FBXO34: variants seen among roughly 807,000 people sequenced by gnomAD.
The protein encoded by FBXO34 is F-box protein 34.
FBXO34 carries 12 observed loss-of-function variants against 24.5 expected under a neutral mutation model. The observed-to-expected ratio is 0.49, with a 90% confidence interval of 0.31 to 0.79. The LOEUF (loss-of-function observed/expected upper bound fraction) is 0.79. FBXO34 is among the 30% of genes least tolerant of loss of function. FBXO34 has a pLI of 0.04. For missense variants in FBXO34, 823 were observed against 857.7 expected, an observed-to-expected ratio of 0.96 and a Z score of 0.51; for synonymous variants, 320 against 311.9, an observed-to-expected ratio of 1.03 and a Z score of -0.27.
At chr14:55,306,865 A>G (rs1332866504) in intron 1 of FBXO34, among the ~76,000 whole-genome samples, 4 of 152,254 alleles carry the variant, frequency 2.6e-5, no homozygotes, top group Non-Finnish European at 5.9e-5. Flanking sequence ...AAAACAGGCC[A>G]TATTTAGGTC....
At chr14:55,367,038 T>C (rs1296347847) in intron 2 of FBXO34, 2 of 152,656 alleles carry the variant, frequency 1.3e-5, no homozygotes, top group African/African-American at 4.8e-5. Flanking sequence ...CTCTAGTTGA[T>C]ATTAACAACA....
chr14:55,367,744 CAAA>C (rs139279146), exon 3 of FBXO34: 5 of 142,128 alleles, frequency 3.5e-5, no homozygotes, highest in East Asian at 2.1e-4. Flanking sequence ...ACTCCGTCTC[CAAA>C]AAAAAAAAAG....
At chr14:55,440,630 T>A in the FBXO34 span, 1 of 1,407,902 alleles carries the variant, frequency 7.1e-7, no homozygotes, top group Non-Finnish European at 9.4e-7. Flanking sequence ...GCGATGGGCT[T>A]GGAGCGGGAT....
At chr14:55,295,339 A>G (rs1256421922) in intron 1 of FBXO34, among the ~76,000 whole-genome samples, 1 of 147,348 alleles carries the variant, frequency 6.8e-6, no homozygotes, top group Non-Finnish European at 1.5e-5. Flanking sequence ...CATTTTATGT[A>G]TATTATCTAT....
At chr14:55,356,337 C>T (rs112895497), downstream of FBXO34, among the ~76,000 whole-genome samples, 945 of 152,304 alleles carry the variant, frequency 6.2e-3, 38 homozygotes, top group Admixed American at 0.057. Flanking sequence ...TGTACACCAC[C>T]GACTAAACCA....
intron 1 of FBXO34, among the ~76,000 whole-genome samples, chr14:55,305,422 A>AAG (rs1882506880): frequency 6.6e-6 from 1 of 151,916 alleles, no homozygotes; most frequent in East Asian, 1.9e-4. Context: ...TCAAAAAAAA[A>AAG]AAAAAAAAGT....
chr14:55,411,482 T>A, the FBXO34 span: 2 of 991,380 alleles, frequency 2.0e-6, no homozygotes, highest in South Asian at 3.2e-5. Flanking sequence ...ACACTCCCTC[T>A]CTCTCGCTCC....
the FBXO34 span, among the ~76,000 whole-genome samples, chr14:55,376,244 GTGGT>G: frequency 2.0e-5 from 3 of 152,326 alleles, no homozygotes; most frequent in East Asian, 5.8e-4. Flanking sequence ...GGCAAGTAAA[GTGGT>G]TGGCCTTGTG....
intron 1 of FBXO34, among the ~76,000 whole-genome samples, chr14:55,290,972 A>G (rs757307453): frequency 4.6e-5 from 7 of 151,238 alleles, no homozygotes; most frequent in Non-Finnish European, 8.8e-5. Context: ...GGCACCTGCC[A>G]CCATGCCCAC....
chr14:55,406,012 T>A, the FBXO34 span, among the ~76,000 whole-genome samples: 3 of 152,160 alleles, frequency 2.0e-5, no homozygotes, highest in Admixed American at 6.5e-5. Context: ...TAGGGAAGTC[T>A]TCCCATCGAA....
intron 3 of FBXO34, among the ~76,000 whole-genome samples, chr14:55,361,295 A>G (rs1250630671): frequency 4.6e-5 from 7 of 152,350 alleles, no homozygotes; most frequent in South Asian, 2.1e-4. Context: ...TACAATGTCA[A>G]TGGGCAGTAA....
At chr14:55,335,843 A>T (rs182624103) in intron 1 of FBXO34, among the ~76,000 whole-genome samples, 49 of 152,318 alleles carry the variant, frequency 3.2e-4, no homozygotes, top group African/African-American at 1.0e-3. Context: ...AGCTCTTTAG[A>T]GCAATGTATA....
chr14:55,308,739 C>G lies in FBXO34; in HGVS notation c.-11+37202C>G, dbSNP rs1385079502. On this transcript the variant is annotated intron_variant, in intron 1 of 1. Coordinates refer to ENST00000313833, the MANE Select transcript of FBXO34 (RefSeq NM_017943.4). Reference sequence around the variant, plus strand: ...TCAAATTCCTCCTTAATTCCCTCATCTTTAAAATGAGGAGTTTGAACCAAG... The same window carrying G: ...TCAAATTCCTCCTTAATTCCCTCATGTTTAAAATGAGGAGTTTGAACCAAG... 6.8e-4 allele frequency among the ~76,000 whole-genome samples: 104 copies of G among 152,188 alleles called. 2 individuals are homozygous for G. Among genetic ancestry groups the G allele is most frequent in the Non-Finnish European group, 1.8e-4 (12 of 68,022 alleles).
downstream of FBXO34, chr14:55,369,653 G>T (rs1342278940): frequency 2.6e-6 from 4 of 1,546,066 alleles, no homozygotes; most frequent in Non-Finnish European, 3.5e-6. Flanking sequence ...AAACCAGGAG[G>T]TCACCGAGGC....
chr14:55,376,116 A>G, the FBXO34 span, among the ~76,000 whole-genome samples: 1 of 152,220 alleles, frequency 6.6e-6, no homozygotes. Flanking sequence ...GGAGTCAGCC[A>G]GGTGTGCACT....
chr14:55,321,656 C>A (rs1177327751), intron 1 of FBXO34, among the ~76,000 whole-genome samples: 1 of 152,176 alleles, frequency 6.6e-6, no homozygotes, highest in Admixed American at 6.5e-5. Flanking sequence ...CTCAGCCTCC[C>A]AAAGTGTTGG....
At chr14:55,289,429 C>T (rs1445495136) in intron 1 of FBXO34, among the ~76,000 whole-genome samples, 1 of 152,092 alleles carries the variant, frequency 6.6e-6, no homozygotes, top group African/African-American at 2.4e-5. Context: ...TTCTTCCTTC[C>T]CCTGTCTCTT....
chr14:55,351,957 GAAA>G lies in FBXO34; in HGVS notation c.1571_1573del (p.Lys524del). ...TGCTGGGGGTGACAGTGCATCTGAGGAAAAAAGTGGGTCTGCTGAGCCATTTGT... is the reference window on the plus strand; with the variant it reads ...TGCTGGGGGTGACAGTGCATCTGAGGAAAGTGGGTCTGCTGAGCCATTTGT... On this transcript the variant is annotated inframe_deletion, in exon 2 of 2. Transcript: ENST00000313833. 1 of 1,613,808 alleles carries G rather than the reference GAAA, an allele frequency of 6.2e-7. No individual in the cohort carries two copies. The highest frequency in any genetic ancestry group is 1.1e-5 in the South Asian group (1 of 91,022).
At chr14:55,319,665 A>G (rs1883059241) in intron 1 of FBXO34, among the ~76,000 whole-genome samples, 1 of 152,092 alleles carries the variant, frequency 6.6e-6, no homozygotes, top group African/African-American at 2.4e-5. Context: ...AGTGTGTGAA[A>G]GGATTTATTT....
Sources: allele counts gnomAD v4.1 joint callset (sites outside exome capture counted in the v4.1 genomes callset), GRCh38; gene constraint gnomAD v4.1.1; transcripts MANE v1.5; gene names NCBI Gene and HGNC (gene_info 2026-07-23, HGNC 2026-07-21).